GTF3C1: variants seen among roughly 807,000 people sequenced by gnomAD.
GTF3C1 encodes general transcription factor 3C polypeptide 1.
In GTF3C1, 57 loss-of-function variants were observed where a neutral mutation model predicts 226.7. The ratio of observed to expected loss-of-function variants is 0.25; its 90% CI spans 0.20 to 0.31. The LOEUF (loss-of-function observed/expected upper bound fraction) is 0.31. Among genes scored for constraint, GTF3C1 ranks in the 10% least tolerant of loss-of-function variants. The pLI, the probability that GTF3C1 is intolerant of heterozygous loss-of-function variation, is 1.00. For missense variants in GTF3C1, 2,217 were observed against 2,776.1 expected (o/e 0.80, Z 4.53); for synonymous variants, 1,090 against 1,084.8 (o/e 1.00, Z -0.09).
At chr16:27,529,263 C>A (rs901762240) in intron 5 of GTF3C1, among the ~76,000 whole-genome samples, 26 of 151,930 alleles carry the variant, frequency 1.7e-4, no homozygotes, top group Admixed American at 3.3e-4. Context: ...GCCAACATGG[C>A]GAAACCCCGT....
Position 27,497,719 on chromosome 16 carries a change from G to A in GTF3C1, c.2268C>T (p.Ser756=), listed in dbSNP as rs753343228. The A allele has an allele frequency of 5.6e-6, 9 of 1,613,944 alleles. No homozygotes were observed. In the South Asian group the frequency reaches 8.8e-5, roughly 16 times the overall value. ...TCATCCGTCCACTTTCTGATCTAGA[G>A]GAAGCACTCAGCTGAGAGTCCCCTG... is the stretch of plus-strand genomic sequence containing the variant. ...SGSGDSQLSA[S]SRSESGRMKK... The change falls in exon 14 of 37, where the codon TCC becomes TCT. Residue 756 remains serine, a synonymous_variant. Coordinates refer to ENST00000356183, the MANE Select transcript of GTF3C1 (RefSeq NM_001520.4).
intron 6 of GTF3C1, among the ~76,000 whole-genome samples, chr16:27,513,354 T>C (rs2088606171): frequency 6.6e-6 from 1 of 152,168 alleles, no homozygotes; most frequent in African/African-American, 2.4e-5. Context: ...CTCAGGAGGC[T>C]GAAGTGAGAG....
intron 12 of GTF3C1, among the ~76,000 whole-genome samples, chr16:27,499,863 C>G (rs959549843): frequency 1.3e-5 from 2 of 152,244 alleles, no homozygotes; most frequent in African/African-American, 4.8e-5. Context: ...GCCAGCAGCA[C>G]ATGCTCTGGG....
chr16:27,489,817 G>C (rs1423108298), intron 19 of GTF3C1, 74 bp from the exon 20 acceptor site: 2 of 1,494,580 alleles, frequency 1.3e-6, no homozygotes, highest in African/African-American at 1.4e-5. Context: ...CTCTGGCTGG[G>C]TGGGGAAGAA....
intron 21 of GTF3C1, 114 bp from the exon 22 acceptor site, chr16:27,488,749 C>T (rs1221658423): frequency 2.3e-6 from 2 of 866,804 alleles, no homozygotes; most frequent in Non-Finnish European, 3.6e-6. Context: ...TGTGCACTGA[C>T]AGCCAGGGGC....
rs986606295 is a variant in GTF3C1, at chr16:27,493,263, G to A, written c.2812C>T (p.Leu938=). The change falls in exon 17 of 37, where the codon CTG becomes TTG. Residue 938 remains leucine (L), a synonymous_variant. Transcript: ENST00000356183. ...AAGCGGATCAGCGTGTGCTTCTTCAGCGGGTCGTTCAGAAATTCCTCCAGG... is the reference window on the plus strand; with the variant it reads ...AAGCGGATCAGCGTGTGCTTCTTCAACGGGTCGTTCAGAAATTCCTCCAGG... ...DNLEEFLNDP[L]KKHTLIRFLP... 3.1e-6 allele frequency: 5 copies of A among 1,611,354 alleles called. No homozygotes were observed. Among genetic ancestry groups the A allele is most frequent in the Non-Finnish European group, 4.2e-6 (5 of 1,177,534 alleles).
At position 27,463,304 on chromosome 16, in the gene GTF3C1, G is replaced by A; in HGVS notation, c.5924+237C>T. 1 of 556,912 alleles carries A rather than the reference G, an allele frequency of 1.8e-6. No homozygotes were observed. The highest frequency in any genetic ancestry group is 2.3e-5 in the South Asian group (1 of 43,140). The allele number at this position is 556,912 out of a possible 1,614,324, so 34.5% of individuals were successfully genotyped here. A position where few individuals can be genotyped will look rare whatever the true frequency, so the allele number is the denominator to read the frequency against. Reference sequence around the variant, plus strand: ...AGGCATGGTTCTCCACCAGCGCCCTGGGCATTCTGGAAGCGCAGCCCTCAT... The same window carrying A: ...AGGCATGGTTCTCCACCAGCGCCCTAGGCATTCTGGAAGCGCAGCCCTCAT... On this transcript the variant is annotated intron_variant, in intron 35 of 36. Coordinates refer to ENST00000356183, the MANE Select transcript of GTF3C1 (RefSeq NM_001520.4). The surrounding 1 kb of genome is among the most constrained non-coding windows in gnomAD (Gnocchi z 4.9).
chr16:27,461,101 G>C lies in GTF3C1; in HGVS notation c.*249C>G. On this transcript the variant is annotated 3_prime_UTR_variant, in exon 37 of 37. Coordinates refer to ENST00000356183, the MANE Select transcript of GTF3C1 (RefSeq NM_001520.4). The surrounding 1 kb of genome is among the most constrained non-coding windows in gnomAD (Gnocchi z 5.3). ...CAGAGACAAGAAGCACCAACTCCCA[G>C]TGTGATGAGGCCAGTTCCCAAGGGG... 2.3e-6 allele frequency: 1 copy of C among 440,482 alleles called. No homozygotes were observed. Among genetic ancestry groups the C allele is most frequent in the Non-Finnish European group, 4.1e-6 (1 of 244,206 alleles). 27.3% of individuals were successfully genotyped at this position (440,482 alleles called of 1,614,324 possible). A position where few individuals can be genotyped will look rare whatever the true frequency, so the allele number is the denominator to read the frequency against.
chr16:27,465,403 C>T lies in GTF3C1; in HGVS notation c.5212G>A (p.Asp1738Asn). The T allele has an allele frequency of 6.2e-7, 1 of 1,614,156 alleles. No homozygotes were observed. Among genetic ancestry groups the T allele is most frequent in the South Asian group, 1.1e-5 (1 of 91,086 alleles). Residue 1738 changes from aspartate to asparagine, a missense_variant, in exon 33 of 37, where the codon GAC (aspartate) becomes AAC (asparagine). By Grantham distance (23) the Asp-to-Asn change is conservative. Transcript: ENST00000356183. Reference protein sequence around the residue: ...QLELSGYSPEDLTAALEILEA... With the variant: ...QLELSGYSPENLTAALEILEA... The stretch of plus-strand genomic sequence containing the variant: ...AAGATCTCCAAGGCAGCAGTCAGGT[C>T]TTCGGGACTATACCCAGACAGCTCC...
Position 27,462,368 on chromosome 16 carries a change from C to T in GTF3C1, c.6043G>A (p.Gly2015Ser). 3 of 1,596,760 alleles carry T rather than the reference C, an allele frequency of 1.9e-6. No homozygotes were observed. Among genetic ancestry groups the T allele is most frequent in the Non-Finnish European group, 2.6e-6 (3 of 1,171,866 alleles). Reference sequence around the variant, plus strand: ...CGCAGCAGGGAGCTCTCGGGGATGCCAGGCCTGGTCATGATGTGGTACAGC... The same window carrying T: ...CGCAGCAGGGAGCTCTCGGGGATGCTAGGCCTGGTCATGATGTGGTACAGC... The part of the protein sequence containing the change: ...AMLYHIMTRP[G>S]IPESSLLRHY... The change falls in exon 36 of 37, where the codon GGC (glycine) becomes AGC (serine). Residue 2015 changes from glycine to serine, a missense_variant. By Grantham distance (56) the Gly-to-Ser change is moderately conservative. Transcript: ENST00000356183. The surrounding 1 kb of genome is among the most constrained non-coding windows in gnomAD (Gnocchi z 4.5).
intron 7 of GTF3C1, among the ~76,000 whole-genome samples, chr16:27,508,952 G>A (rs2088529490): frequency 6.6e-6 from 1 of 152,124 alleles, no homozygotes; most frequent in South Asian, 2.1e-4. Flanking sequence ...TAAAATGCAA[G>A]AACCCAATAG....
At chr16:27,515,070 C>T (rs2088636459) in intron 6 of GTF3C1, among the ~76,000 whole-genome samples, 1 of 152,144 alleles carries the variant, frequency 6.6e-6, no homozygotes. Context: ...TCAAAATAAA[C>T]ACGGGTGGAA....
At chr16:27,518,988 A>C (rs2088704634) in intron 6 of GTF3C1, among the ~76,000 whole-genome samples, 1 of 152,260 alleles carries the variant, frequency 6.6e-6, no homozygotes, top group African/African-American at 2.4e-5. Context: ...GCAGACTAGC[A>C]GGGCCAGCCA....
chr16:27,516,591 A>G (rs1286082656), intron 6 of GTF3C1, among the ~76,000 whole-genome samples: 1 of 152,206 alleles, frequency 6.6e-6, no homozygotes, highest in Non-Finnish European at 1.5e-5. Context: ...GCTCTTTCAC[A>G]ACATGCCAAT....
chr16:27,508,803 C>A (rs569191778), intron 7 of GTF3C1, 148 bp from the exon 8 acceptor site: 1 of 624,886 alleles, frequency 1.6e-6, no homozygotes, highest in East Asian at 2.8e-5. Flanking sequence ...CCCTTATCCT[C>A]CCAAGCGTGC....
At chr16:27,478,563 A>G in intron 27 of GTF3C1, 32 bp from the exon 28 acceptor site, 1 of 1,494,250 alleles carries the variant, frequency 6.7e-7, no homozygotes. Flanking sequence ...ATGTCAGTGA[A>G]ACAAAACAGC....
chr16:27,484,634 A>T (rs77527768), intron 24 of GTF3C1, among the ~76,000 whole-genome samples: 2 of 152,374 alleles, frequency 1.3e-5, no homozygotes, highest in South Asian at 2.1e-4. Context: ...GCGGGGGGGA[A>T]CTGCCTGAAA....
chr16:27,494,789 T>A lies in GTF3C1; in HGVS notation c.2752A>T (p.Ile918Phe), dbSNP rs1156621934. 1 of 1,612,688 alleles carries A rather than the reference T, an allele frequency of 6.2e-7. No homozygotes were observed. Among genetic ancestry groups the A allele is most frequent in the South Asian group, 1.1e-5 (1 of 91,028 alleles). ...ILLCLPLSIF[I>F]QIVQVSYKVD... ...TTGTAGCTGACTTGCACAATCTGGA[T>A]GAAGATGGAGAGGGGAAGGCAGAGG... The change falls in exon 16 of 37, where the codon ATC becomes TTC. Residue 918 changes from isoleucine (I) to phenylalanine (F), a missense_variant. Around this residue, in one of 12 missense-constraint regions of GTF3C1, gnomAD observed 353 missense variants for 411.7 expected, o/e 0.86. Coordinates refer to ENST00000356183, the MANE Select transcript of GTF3C1 (RefSeq NM_001520.4).
rs2088183510 is a variant in GTF3C1, at chr16:27,488,761, G to A, written c.3430-126C>T. On this transcript the variant is annotated intron_variant, in intron 21 of 36. Coordinates refer to ENST00000356183, the MANE Select transcript of GTF3C1 (RefSeq NM_001520.4). ...CGCTGTGCACTGACAGCCAGGGGCT[G>A]GAGTCTCCTGCCACCCGCTTTACCA... The A allele has an allele frequency of 5.1e-6, 4 of 783,884 alleles. No homozygotes were observed. In the East Asian group the frequency reaches 1.0e-4, roughly 20 times the overall value. 48.6% of individuals were successfully genotyped at this position (783,884 alleles called of 1,614,324 possible).
Sources: gnomAD v4.1 joint callset for allele counts (sites outside exome capture counted in the v4.1 genomes callset) on GRCh38, gnomAD v4.1.1 for gene constraint, gnomAD v4.1.1 regional missense constraint, Gnocchi (gnomAD v3.1) non-coding constraint, MANE v1.5 for transcripts, NCBI Gene and HGNC (gene_info 2026-07-23, HGNC 2026-07-21) for gene names.